Variants in KAZN observed in about 807,000 individuals in gnomAD.
The protein encoded by KAZN is kazrin.
In KAZN, 40 loss-of-function variants were observed where a neutral mutation model predicts 87.4. That is an observed-to-expected ratio of 0.46 (90% CI 0.36 to 0.60). KAZN has a LOEUF of 0.60. Among genes scored for constraint, KAZN ranks in the 20% least tolerant of loss-of-function variants. The pLI, the probability that KAZN is intolerant of heterozygous loss-of-function variation, is 0.00. For missense variants in KAZN, 898 were observed against 1,073.9 expected, an observed-to-expected ratio of 0.84 and a Z score of 2.29; for synonymous variants, 466 against 458.3, an observed-to-expected ratio of 1.02 and a Z score of -0.22.
intron 2 of KAZN, among the ~76,000 whole-genome samples, chr1:14,417,286 T>C (rs911768072): frequency 1.3e-5 from 2 of 152,308 alleles, no homozygotes; most frequent in South Asian, 4.1e-4. Flanking sequence ...AGAAGGGCAA[T>C]TTTTAAAACG....
At chr1:14,842,987 A>G (rs546703166) in intron 1 of KAZN, among the ~76,000 whole-genome samples, 1 of 152,298 alleles carries the variant, frequency 6.6e-6, no homozygotes, top group African/African-American at 2.4e-5. Flanking sequence ...AACATCTCTT[A>G]TAGACATTAT....
At chr1:14,918,468 G>A (rs1363234269) in intron 1 of KAZN, among the ~76,000 whole-genome samples, 1 of 151,636 alleles carries the variant, frequency 6.6e-6, no homozygotes. Context: ...CTGAGGTCAG[G>A]AGTTCGAGAC....
intron 1 of KAZN, among the ~76,000 whole-genome samples, chr1:14,777,303 A>G (rs10927547): frequency 0.69 from 104,932 of 152,068 alleles, 36,660 homozygotes; most frequent in South Asian, 0.83. Context: ...GCCCTGAAGT[A>G]GGCATTTCTT....
At chr1:14,778,214 A>C (rs1645233976) in intron 1 of KAZN, among the ~76,000 whole-genome samples, 1 of 152,172 alleles carries the variant, frequency 6.6e-6, no homozygotes, top group African/African-American at 2.4e-5. Flanking sequence ...GTCTCCATCA[A>C]AAGTGACACA....
chr1:14,699,931 C>T (rs932517228), intron 1 of KAZN, among the ~76,000 whole-genome samples: 5 of 152,038 alleles, frequency 3.3e-5, no homozygotes, highest in Non-Finnish European at 2.9e-5. Flanking sequence ...CTAGAGTGGG[C>T]CAGACAAAGC....
intron 2 of KAZN, among the ~76,000 whole-genome samples, chr1:15,014,402 C>T (rs943079765): frequency 2.0e-5 from 3 of 152,114 alleles, no homozygotes; most frequent in Admixed American, 6.6e-5. Context: ...CAGTGCTCCA[C>T]GGCGGAGGCT....
At chr1:14,231,943 T>A (rs757662694) in intron 2 of KAZN, among the ~76,000 whole-genome samples, 33 of 152,280 alleles carry the variant, frequency 2.2e-4, no homozygotes, top group Non-Finnish European at 4.3e-4. Flanking sequence ...CCCAAGGTTG[T>A]CAGCTTAAGG....
intron 1 of KAZN, among the ~76,000 whole-genome samples, chr1:14,867,136 CCAGCCAGGGCCCTCCCTGTGCAGGGGAG>C (rs1651549900): frequency 6.6e-6 from 1 of 152,188 alleles, no homozygotes; most frequent in Non-Finnish European, 1.5e-5. Flanking sequence ...TGGCCAAGGC[CCAGCCAGGGCCCTCCCTGTGCAGGGGAG>C]CAGCCACGTT....
intron 1 of KAZN, among the ~76,000 whole-genome samples, chr1:14,746,475 A>T (rs1360698697): frequency 6.6e-6 from 1 of 152,122 alleles, no homozygotes; most frequent in East Asian, 1.9e-4. Flanking sequence ...CGAGAAACAG[A>T]CAACATGGCT....
chr1:14,373,594 A>T (rs1181447024), intron 2 of KAZN, among the ~76,000 whole-genome samples: 2 of 152,180 alleles, frequency 1.3e-5, no homozygotes, highest in African/African-American at 4.8e-5. Flanking sequence ...CCCAGAAATA[A>T]TGTTTAACCA....
intron 1 of KAZN, among the ~76,000 whole-genome samples, chr1:14,100,485 T>C (rs1036140994): frequency 6.6e-6 from 1 of 152,080 alleles, no homozygotes; most frequent in Admixed American, 6.6e-5. Flanking sequence ...TAGCATGAAG[T>C]CTGGGGGAAA....
At chr1:14,168,915 A>G (rs144570246) in intron 1 of KAZN, among the ~76,000 whole-genome samples, 1 of 152,296 alleles carries the variant, frequency 6.6e-6, no homozygotes, top group East Asian at 1.9e-4. Flanking sequence ...GTGCTTAATA[A>G]ATAGCAGCTG....
chr1:14,952,906 G>C (rs1662669623), intron 1 of KAZN, among the ~76,000 whole-genome samples: 1 of 152,188 alleles, frequency 6.6e-6, no homozygotes, highest in Non-Finnish European at 1.5e-5. Flanking sequence ...TGATTGCTTT[G>C]TTTAATGTTT....
chr1:14,789,718 C>G (rs1220172074), intron 1 of KAZN, among the ~76,000 whole-genome samples: 2 of 131,310 alleles, frequency 1.5e-5, no homozygotes, highest in African/African-American at 5.9e-5. Context: ...ATCTGAGTCC[C>G]CATTCTTACT....
At chr1:14,576,385 G>GTGGA (rs113680816) in intron 2 of KAZN, among the ~76,000 whole-genome samples, 15,000 of 150,768 alleles carry the variant, frequency 0.099, 803 homozygotes, top group Non-Finnish European at 0.13. Flanking sequence ...GGATGGCTGG[G>GTGGA]TGGATGGATG....
At chr1:14,339,635 A>T (rs538783447) in intron 2 of KAZN, among the ~76,000 whole-genome samples, 1 of 152,200 alleles carries the variant, frequency 6.6e-6, no homozygotes, top group Non-Finnish European at 1.5e-5. Flanking sequence ...TGTGGGGGGA[A>T]GTCAGCCTTT....
intron 1 of KAZN, among the ~76,000 whole-genome samples, chr1:14,667,152 G>A (rs1478871489): frequency 1.3e-5 from 2 of 152,162 alleles, no homozygotes; most frequent in African/African-American, 4.8e-5. Context: ...TGAATTTTTT[G>A]TGGACACCAT....
chr1:14,561,796 T>A (rs1382467510), intron 2 of KAZN, among the ~76,000 whole-genome samples: 1 of 151,498 alleles, frequency 6.6e-6, no homozygotes, highest in Admixed American at 6.6e-5. Flanking sequence ...CCCAGCTACT[T>A]GGGAGGCTGA....
At chr1:14,588,797 G>A (rs1676009566) in intron 2 of KAZN, among the ~76,000 whole-genome samples, 1 of 152,184 alleles carries the variant, frequency 6.6e-6, no homozygotes, top group Non-Finnish European at 1.5e-5. Flanking sequence ...CTTTCTGCAG[G>A]ACTCCCTCGG....
Sources: allele counts gnomAD v4.1 joint callset (sites outside exome capture counted in the v4.1 genomes callset), GRCh38; gene constraint gnomAD v4.1.1; transcripts MANE v1.5; gene names NCBI Gene and HGNC (gene_info 2026-07-23, HGNC 2026-07-21).